The following SPEF2 variants were observed in gnomAD, a reference collection of about 807,000 sequenced individuals.
SPEF2 encodes the protein sperm flagella and cilia-associated protein 2.
A neutral mutation model predicts 224.6 loss-of-function variants in SPEF2; 187 were observed. The ratio of observed to expected loss-of-function variants is 0.83; its 90% confidence interval spans 0.74 to 0.94. The LOEUF (loss-of-function observed/expected upper bound fraction) is 0.94, where lower values mean the gene tolerates loss of function less well. SPEF2 is among the 40% of genes least tolerant of loss of function. SPEF2 has a pLI of 0.00. For synonymous variants in SPEF2, 715 were observed against 707.3 expected, an observed-to-expected ratio of 1.01 and a Z score of -0.17; for missense variants, 2,170 against 2,135.6, an observed-to-expected ratio of 1.02 and a Z score of -0.32.
chr5:35,717,633 T>C (rs1023814257), intron 20 of SPEF2, among the ~76,000 whole-genome samples: 1 of 151,990 alleles, frequency 6.6e-6, no homozygotes, highest in African/African-American at 2.4e-5. Context: ...GAAAACGGAC[T>C]CTCGCAAGGC....
At chr5:35,636,406 T>C (rs895246505) in intron 2 of SPEF2, among the ~76,000 whole-genome samples, 2 of 152,168 alleles carry the variant, frequency 1.3e-5, no homozygotes, top group African/African-American at 4.8e-5. Flanking sequence ...CCTCATGTCT[T>C]TCCTAGGCAT....
At chr5:35,621,291 A>C (rs140435266) in intron 1 of SPEF2, among the ~76,000 whole-genome samples, 1 of 152,188 alleles carries the variant, frequency 6.6e-6, no homozygotes, top group Non-Finnish European at 1.5e-5. Flanking sequence ...TTATGTGGGT[A>C]TACCATACCC....
chr5:35,700,347 A>G, intron 15 of SPEF2, 149 bp from the exon 16 acceptor site: 2 of 711,070 alleles, frequency 2.8e-6, no homozygotes, highest in Non-Finnish European at 4.6e-6. Flanking sequence ...GTGGCACATC[A>G]GTAAACCTAA....
chr5:35,654,198 T>C (rs928300910), intron 6 of SPEF2, among the ~76,000 whole-genome samples: 1 of 151,172 alleles, frequency 6.6e-6, no homozygotes, highest in Non-Finnish European at 1.5e-5. Context: ...AGGCGGAGGT[T>C]GCAGTGAGCC....
intron 36 of SPEF2, among the ~76,000 whole-genome samples, chr5:35,812,754 AAATATCTT>A (rs1220327273): frequency 6.6e-6 from 1 of 152,242 alleles, no homozygotes; most frequent in Non-Finnish European, 1.5e-5. Flanking sequence ...TATCACCAGA[AAATATCTT>A]ATAAACAAAT....
At chr5:35,665,954 T>C (rs893615176) in intron 8 of SPEF2, among the ~76,000 whole-genome samples, 21 of 152,128 alleles carry the variant, frequency 1.4e-4, no homozygotes, top group Admixed American at 1.1e-3. Flanking sequence ...AGCAATCCAT[T>C]GTCACACATC....
chr5:35,807,009 A>G (rs1758151176), intron 35 of SPEF2, 57 bp downstream of exon 35: 1 of 1,564,136 alleles, frequency 6.4e-7, no homozygotes, highest in Non-Finnish European at 8.6e-7. Flanking sequence ...TTTTTATGGA[A>G]TTGCTCTCAA....
chr5:35,795,637 G>A (rs1756562438), intron 32 of SPEF2, 66 bp from the exon 33 acceptor site: 4 of 1,440,942 alleles, frequency 2.8e-6, no homozygotes, highest in South Asian at 1.3e-5. Context: ...CAGTCTCTGT[G>A]GCTTTTAGAG....
chr5:35,726,235 C>T (rs892631870), intron 20 of SPEF2, among the ~76,000 whole-genome samples: 5 of 152,128 alleles, frequency 3.3e-5, no homozygotes, highest in Non-Finnish European at 7.4e-5. Context: ...TTTCACTGAA[C>T]GATCATGATA....
chr5:35,704,480 C>T, intron 16 of SPEF2, 74 bp from the exon 17 acceptor site: 1 of 889,372 alleles, frequency 1.1e-6, no homozygotes, highest in African/African-American at 1.7e-5. Flanking sequence ...TGGCATCTTT[C>T]ACCAGTATAT....
At chr5:35,619,358 GTTTAA>G (rs1743143543) in intron 1 of SPEF2, among the ~76,000 whole-genome samples, 1 of 152,154 alleles carries the variant, frequency 6.6e-6, no homozygotes, top group African/African-American at 2.4e-5. Context: ...ATATTGCTTA[GTTTAA>G]TTTAGTTCAT....
intron 30 of SPEF2, among the ~76,000 whole-genome samples, chr5:35,782,401 T>A (rs1275233894): frequency 6.6e-6 from 1 of 152,178 alleles, no homozygotes; most frequent in Non-Finnish European, 1.5e-5. Flanking sequence ...ATCCATAATA[T>A]CTAAGATGCA....
At chr5:35,811,122 A>G (rs1195526442) in intron 36 of SPEF2, among the ~76,000 whole-genome samples, 1 of 152,000 alleles carries the variant, frequency 6.6e-6, no homozygotes, top group Non-Finnish European at 1.5e-5. Context: ...TAAAATAAAA[A>G]CAAAAGAAAT....
chr5:35,794,793 G>A (rs560100511), intron 32 of SPEF2, among the ~76,000 whole-genome samples: 44 of 152,310 alleles, frequency 2.9e-4, no homozygotes, highest in African/African-American at 1.0e-3. Context: ...TACCAAAGGT[G>A]TGAGTTTCTT....
intron 20 of SPEF2, among the ~76,000 whole-genome samples, chr5:35,714,680 TTTTATTTATTTATTTA>T (rs70973053): frequency 3.0e-5 from 4 of 134,524 alleles, no homozygotes; most frequent in African/African-American, 8.3e-5. Flanking sequence ...TTGGGTTTAT[TTTTATTTATTTATTTA>T]TTTATTTATT....
rs546733834 is a variant in SPEF2, at chr5:35,695,226, T to C, written c.1976-509T>C. ...GTTTTATTACATATTCTATTATACA[T>C]TAGTCTAAGTAATTATAAACAAACT... On this transcript the variant is annotated intron_variant, in intron 13 of 36. Transcript: ENST00000356031. Among the ~76,000 whole-genome samples, 82 of 151,788 alleles carry C rather than the reference T, an allele frequency of 5.4e-4. 1 individual carries two copies. The highest frequency in any genetic ancestry group is 9.7e-4 in the Non-Finnish European group (66 of 68,008).
intron 17 of SPEF2, 80 bp downstream of exon 17, chr5:35,704,742 T>C (rs1739395720): frequency 1.2e-6 from 1 of 818,766 alleles, no homozygotes; most frequent in South Asian, 1.6e-5. Flanking sequence ...TCATCAGATC[T>C]AGAAGAATAT....
intron 1 of SPEF2, among the ~76,000 whole-genome samples, chr5:35,625,138 T>C (rs1311614871): frequency 6.6e-6 from 1 of 152,232 alleles, no homozygotes; most frequent in Admixed American, 6.5e-5. Context: ...TGGTACATGG[T>C]AAATCTGAAG....
At chr5:35,633,556 T>C (rs920142170) in intron 2 of SPEF2, among the ~76,000 whole-genome samples, 15 of 152,048 alleles carry the variant, frequency 9.9e-5, no homozygotes, top group African/African-American at 3.6e-4. Flanking sequence ...AGAAAGCATA[T>C]GATTGGATTG....
Sources: allele counts gnomAD v4.1 joint callset (sites outside exome capture counted in the v4.1 genomes callset), GRCh38; gene constraint gnomAD v4.1.1; transcripts MANE v1.5; gene names NCBI Gene and HGNC (gene_info 2026-07-23, HGNC 2026-07-21).